Variants in DOC2A observed in about 807,000 individuals in gnomAD.
The protein encoded by DOC2A is double C2 domain alpha.
In DOC2A, 28 loss-of-function variants were observed where a neutral mutation model predicts 40.6. The ratio of observed to expected loss-of-function variants is 0.69; its 90% confidence interval spans 0.51 to 0.95. The LOEUF (loss-of-function observed/expected upper bound fraction) is 0.95. Ranked by LOEUF, DOC2A falls within the 40% of genes least tolerant of loss-of-function variation. DOC2A has a pLI of 0.00. For missense variants in DOC2A, 474 were observed against 552.5 expected, an observed-to-expected ratio of 0.86 and a Z score of 1.42; for synonymous variants, 241 against 236.9, an observed-to-expected ratio of 1.02 and a Z score of -0.16.
At position 30,006,866 on chromosome 16, in the gene DOC2A, C is replaced by CG; in HGVS notation, c.796dup (p.Arg266ProfsTer41). 1 of 1,613,516 alleles carries CG rather than the reference C, an allele frequency of 6.2e-7. No individual in the cohort carries two copies. The highest frequency in any genetic ancestry group is 8.5e-7 in the Non-Finnish European group (1 of 1,179,756). Reference sequence around the variant, plus strand: ...GCGCAAGATGCCTACCAGCAGTCCCCGGCGCCGCGAGCTGTAGCTGAGACT... The same window carrying CG: ...GCGCAAGATGCCTACCAGCAGTCCCCGGGCGCCGCGAGCTGTAGCTGAGACT... On this transcript the variant is annotated frameshift_variant, in exon 8 of 11. Coordinates refer to ENST00000350119, the MANE Select transcript of DOC2A (RefSeq NM_003586.3). LOFTEE classifies it high-confidence loss of function. This position sits in a 1 kb window ranked among gnomAD's most constrained non-coding sequence, Gnocchi z 6.2.
upstream of DOC2A, among the ~76,000 whole-genome samples, chr16:30,016,563 G>A (rs1051528718): frequency 2.0e-5 from 3 of 152,130 alleles, no homozygotes; most frequent in African/African-American, 7.2e-5. Flanking sequence ...CTCTTCCCAC[G>A]GTGCTTGCTC....
At position 30,010,067 on chromosome 16, in the gene DOC2A, G is replaced by T. The variant is rs978726950; in HGVS notation, c.156C>A (p.Ala52=). ...PEGGGGGGGE[A]PAHLVPLALA... ...GAGCCAGGGGGACCAGATGGGCGGG[G>T]GCCTCCCCGCCGCCCCCGCCGCCCC... The change falls in exon 2 of 11, where the codon GCC becomes GCA. Residue 52 remains alanine (A), a synonymous_variant. Coordinates refer to ENST00000350119, the MANE Select transcript of DOC2A (RefSeq NM_003586.3). The surrounding 1 kb of genome is among the most constrained non-coding windows in gnomAD (Gnocchi z 4.2). 2 of 1,611,396 alleles carry T rather than the reference G, an allele frequency of 1.2e-6. No individual in the cohort carries two copies. The highest frequency in any genetic ancestry group is 1.7e-6 in the Non-Finnish European group (2 of 1,179,026).
In DOC2A at chr16:30,009,141, C is replaced by T. The variant is rs760238459; in HGVS notation, c.418-36G>A. 1.1e-5 allele frequency: 18 copies of T among 1,608,180 alleles called. No homozygotes were observed. The highest frequency in any genetic ancestry group is 1.5e-5 in the Non-Finnish European group (18 of 1,174,682). On this transcript the variant is annotated intron_variant, in intron 4 of 10. Transcript: ENST00000350119. The surrounding 1 kb of genome is among the most constrained non-coding windows in gnomAD (Gnocchi z 4.1). ...GGGATGAAAGGTTCTCAATACCTGT[C>T]CTCCAGCCCCACAGGCTGGAGTCAT...
rs138648401 is a variant in DOC2A, at chr16:30,006,838, G to A, written c.825C>T (p.Cys275=). ...TGACGTCCATGGCAGCCAGATGGGC[G>A]CAGCGCAAGATGCCTACCAGCAGTC... ...RRGLLVGILR[C]AHLAAMDVNG... is the part of the protein sequence containing the mutation. Residue 275 remains cysteine (C), a synonymous_variant, in exon 8 of 11, where the codon TGC becomes TGT. Transcript: ENST00000350119. This position sits in a 1 kb window ranked among gnomAD's most constrained non-coding sequence, Gnocchi z 6.2. 5.7e-5 allele frequency: 92 copies of A among 1,613,748 alleles called. 1 individual carries two copies. In the South Asian group the frequency reaches 6.1e-4, roughly 11 times the overall value.
In DOC2A at chr16:30,009,189, A is replaced by G; in HGVS notation, c.417+13T>C. 1.2e-6 allele frequency: 2 copies of G among 1,604,664 alleles called. No individual in the cohort carries two copies. The highest frequency in any genetic ancestry group is 8.5e-7 in the Non-Finnish European group (1 of 1,174,968). ...CATGGGCTGGGCCGGGCGGGGCGAGAGGAGGCTGTTACCTTACAGGCTCCA... is the reference window on the plus strand; with the variant it reads ...CATGGGCTGGGCCGGGCGGGGCGAGGGGAGGCTGTTACCTTACAGGCTCCA... On this transcript the variant is annotated intron_variant, in intron 4 of 10. Transcript: ENST00000350119. The surrounding 1 kb of genome is among the most constrained non-coding windows in gnomAD (Gnocchi z 4.1).
chr16:30,013,603 C>CAAAAGAAAAAA (rs2070819586), upstream of DOC2A: 1 of 34,912 alleles, frequency 2.9e-5, no homozygotes, highest in Non-Finnish European at 6.3e-5. Context: ...GACCCTGTCT[C>CAAAAGAAAAAA]AAAAAAAAAA....
At position 30,006,987 on chromosome 16, in the gene DOC2A, A is replaced by G. The variant is rs2070625851; in HGVS notation, c.715-39T>C. On this transcript the variant is annotated intron_variant, in intron 7 of 10. Transcript: ENST00000350119. This position sits in a 1 kb window ranked among gnomAD's most constrained non-coding sequence, Gnocchi z 6.2. ...ACTCAGGGTCAGCCTGGGCCCCTGC[A>G]GCCTCCCACCCACATGCATCCCCAT... 1.9e-6 allele frequency: 3 copies of G among 1,613,766 alleles called. No homozygotes were observed. The highest frequency in any genetic ancestry group is 3.3e-5 in the Admixed American group (2 of 59,986).
chr16:30,009,676 AG>A lies in DOC2A; in HGVS notation c.263-120del, dbSNP rs2070720922. Reference sequence around the variant, plus strand: ...TTGCCAGCCCGCGAGTGTGAGTGCAAGAGGCTGAGTGGGCCCATGCGTGTGT... The same window carrying A: ...TTGCCAGCCCGCGAGTGTGAGTGCAAAGGCTGAGTGGGCCCATGCGTGTGT... On this transcript the variant is annotated intron_variant, in intron 2 of 10. Transcript: ENST00000350119. This position sits in a 1 kb window ranked among gnomAD's most constrained non-coding sequence, Gnocchi z 4.1. 1 of 1,032,944 alleles carries A rather than the reference AG, an allele frequency of 9.7e-7. No individual in the cohort carries two copies. Among genetic ancestry groups the A allele is most frequent in the Non-Finnish European group, 1.5e-6 (1 of 686,558 alleles). The allele number at this position is 1,032,944 out of a possible 1,614,324, so 64.0% of individuals were successfully genotyped here.
chr16:30,016,055 AT>A (rs59271933), upstream of DOC2A, among the ~76,000 whole-genome samples: 124 of 16,838 alleles, frequency 7.4e-3, 4 homozygotes, highest in African/African-American at 0.025. Context: ...ATATATATAT[AT>A]TTTTTTTTTT....
intron 5 of DOC2A, 45 bp downstream of exon 5, chr16:30,008,951 G>A (rs751283499): frequency 7.7e-6 from 10 of 1,305,514 alleles, no homozygotes. Context: ...TACAATGTCA[G>A]CTGTCCCCGA....
chr16:30,008,331 G>C (rs1324642517), intron 5 of DOC2A: 1 of 156,842 alleles, frequency 6.4e-6, no homozygotes, highest in East Asian at 1.9e-4. Context: ...CTCTGAGAAG[G>C]GGTCTCGGCA....
upstream of DOC2A, chr16:30,013,536 C>A: frequency 1.4e-5 from 2 of 139,464 alleles, no homozygotes; most frequent in South Asian, 4.3e-4. Context: ...CCCAGAAGGT[C>A]AAGGCTGCAG....
upstream of DOC2A, among the ~76,000 whole-genome samples, chr16:30,013,076 T>C (rs186097869): frequency 7.3e-5 from 10 of 136,204 alleles, no homozygotes; most frequent in Admixed American, 1.7e-4. Context: ...GTGTCTGGGC[T>C]GGGGGGAAGC....
rs375850480 is a variant in DOC2A at position 30,006,722 on chromosome 16, G to C, written c.879-45C>G. On this transcript the variant is annotated intron_variant, in intron 8 of 10. Transcript: ENST00000350119. The surrounding 1 kb of genome is among the most constrained non-coding windows in gnomAD (Gnocchi z 6.2). ...AGACGAACTGAGGGGTGAGGGACAG[G>C]CCAGGCCCAACTCAGGCCAGGGCAG... is the stretch of plus-strand genomic sequence containing the variant. 4.7e-5 allele frequency: 76 copies of C among 1,613,624 alleles called. No individual in the cohort carries two copies. Among genetic ancestry groups the C allele is most frequent in the Non-Finnish European group, 6.3e-5 (74 of 1,179,846 alleles).
intron 1 of DOC2A, among the ~76,000 whole-genome samples, chr16:30,017,959 C>T (rs2070870565): frequency 8.6e-6 from 1 of 116,036 alleles, no homozygotes. Flanking sequence ...GACTCTGTCT[C>T]CGGAAAAAAA....
At chr16:30,015,701 CTTT>C (rs71276819), upstream of DOC2A, among the ~76,000 whole-genome samples, 18 of 122,980 alleles carry the variant, frequency 1.5e-4, 1 homozygote, top group Admixed American at 9.2e-4. Flanking sequence ...CTTCCTTTTT[CTTT>C]TTTTTTTTTT....
At chr16:30,016,533 C>T (rs1416283006), upstream of DOC2A, among the ~76,000 whole-genome samples, 6 of 152,148 alleles carry the variant, frequency 3.9e-5, no homozygotes, top group East Asian at 5.8e-4. Flanking sequence ...AGGAACCTGT[C>T]GAGTCCTCTC....
At chr16:30,016,055 A>AT (rs59271933), upstream of DOC2A, among the ~76,000 whole-genome samples, 760 of 16,896 alleles carry the variant, frequency 0.045, 72 homozygotes, top group Non-Finnish European at 0.058. Flanking sequence ...ATATATATAT[A>AT]TTTTTTTTTT....
chr16:30,018,673 CACAA>C (rs2070880773), intron 1 of DOC2A: 1 of 152,134 alleles, frequency 6.6e-6, no homozygotes, highest in African/African-American at 2.4e-5. Context: ...ATTTGGACAT[CACAA>C]ACAGACATCT....
Sources: gnomAD v4.1 joint callset for allele counts (sites outside exome capture counted in the v4.1 genomes callset) on GRCh38, gnomAD v4.1.1 for gene constraint, Gnocchi (gnomAD v3.1) non-coding constraint, MANE v1.5 for transcripts, NCBI Gene and HGNC (gene_info 2026-07-23, HGNC 2026-07-21) for gene names.